ITIH5: variants seen among roughly 807,000 people sequenced by gnomAD.
The protein encoded by ITIH5 is inter-alpha-trypsin inhibitor heavy chain 5.
Under a neutral mutation model 77.5 loss-of-function variants are expected in ITIH5, and 65 were observed. That is an observed-to-expected ratio of 0.84 (90% CI 0.69 to 1.03). The LOEUF is 1.03. ITIH5 is among the 50% of genes least tolerant of loss of function. ITIH5 has a pLI of 0.00. For synonymous variants in ITIH5, 525 were observed against 494.3 expected (o/e 1.06, Z -0.82); for missense variants, 1,208 against 1,213.1 (o/e 1.00, Z 0.06).
At chr10:7,635,801 G>C (rs1833789475) in intron 5 of ITIH5, among the ~76,000 whole-genome samples, 1 of 152,076 alleles carries the variant, frequency 6.6e-6, no homozygotes, top group South Asian at 2.1e-4. Context: ...AACATTCTCT[G>C]ATTCCGCTTG....
chr10:7,644,120 C>T (rs970220623), intron 2 of ITIH5, among the ~76,000 whole-genome samples: 1 of 152,008 alleles, frequency 6.6e-6, no homozygotes, highest in African/African-American at 2.4e-5. Context: ...TGACTGTAGT[C>T]CTGGCTACTC....
intron 8 of ITIH5, among the ~76,000 whole-genome samples, chr10:7,583,055 T>C (rs2130970658): frequency 6.6e-6 from 1 of 152,282 alleles, no homozygotes; most frequent in South Asian, 2.1e-4. Flanking sequence ...TCTGATGTAA[T>C]TATCACACAA....
At chr10:7,658,570 C>A (rs1834225766) in intron 1 of ITIH5, among the ~76,000 whole-genome samples, 1 of 152,138 alleles carries the variant, frequency 6.6e-6, no homozygotes, top group African/African-American at 2.4e-5. Flanking sequence ...GGCACAGCTG[C>A]TTGGTTTTAT....
At chr10:7,640,202 C>G (rs1833862185) in intron 4 of ITIH5, among the ~76,000 whole-genome samples, 1 of 147,512 alleles carries the variant, frequency 6.8e-6, no homozygotes, top group South Asian at 2.2e-4. Context: ...GTGGCTCACA[C>G]CTGTAATCCT....
chr10:7,595,064 C>CT, intron 7 of ITIH5, among the ~76,000 whole-genome samples: 1 of 152,200 alleles, frequency 6.6e-6, no homozygotes, highest in Middle Eastern at 3.4e-3. Flanking sequence ...CAGAAGAGAT[C>CT]TTTTAAAAAT....
chr10:7,596,641 G>T (rs945477430), intron 7 of ITIH5, among the ~76,000 whole-genome samples: 2 of 152,116 alleles, frequency 1.3e-5, no homozygotes, highest in Non-Finnish European at 2.9e-5. Context: ...ACCATCACTT[G>T]CCTCAGTCTA....
chr10:7,568,156 G>A (rs537507033), intron 12 of ITIH5, among the ~76,000 whole-genome samples: 29 of 152,200 alleles, frequency 1.9e-4, no homozygotes, highest in Non-Finnish European at 4.0e-4. Flanking sequence ...ATTAGGTGAT[G>A]CATGTTAAAT....
intron 1 of ITIH5, among the ~76,000 whole-genome samples, chr10:7,661,239 T>G (rs1170592396): frequency 3.3e-5 from 5 of 152,190 alleles, no homozygotes; most frequent in African/African-American, 1.2e-4. Flanking sequence ...TGGGGACTGC[T>G]GCCATAACAG....
At chr10:7,565,303 G>GTA (rs149562316) in intron 13 of ITIH5, among the ~76,000 whole-genome samples, 95,943 of 146,012 alleles carry the variant, frequency 0.66, 32,699 homozygotes, top group Non-Finnish European at 0.76. Context: ...CATACAGACT[G>GTA]TATATATATA....
intron 2 of ITIH5, among the ~76,000 whole-genome samples, chr10:7,647,582 G>A (rs556653206): frequency 5.2e-5 from 6 of 115,426 alleles, no homozygotes; most frequent in East Asian, 4.2e-4. Flanking sequence ...AATAGAAAAC[G>A]TGAACACCTG....
At chr10:7,606,251 G>A (rs2131015882) in intron 7 of ITIH5, among the ~76,000 whole-genome samples, 1 of 152,216 alleles carries the variant, frequency 6.6e-6, no homozygotes, top group East Asian at 1.9e-4. Flanking sequence ...CCCATTATTG[G>A]GTATATACCC....
chr10:7,651,715 A>G (rs1246791819), intron 2 of ITIH5, among the ~76,000 whole-genome samples: 1 of 152,108 alleles, frequency 6.6e-6, no homozygotes, highest in Non-Finnish European at 1.5e-5. Context: ...ACAACTAGAG[A>G]CCAACCCTAC....
chr10:7,608,659 A>G (rs1397748062), intron 7 of ITIH5, among the ~76,000 whole-genome samples: 1 of 152,124 alleles, frequency 6.6e-6, no homozygotes. Flanking sequence ...GTTGGACATC[A>G]CTGGACTTGA....
At chr10:7,625,696 C>T (rs557305034) in intron 5 of ITIH5, among the ~76,000 whole-genome samples, 1 of 150,880 alleles carries the variant, frequency 6.6e-6, no homozygotes, top group African/African-American at 2.4e-5. Flanking sequence ...ACCCAGGAGG[C>T]AGAGATTGCC....
intron 9 of ITIH5, chr10:7,578,649 T>C (rs1327588031): frequency 6.6e-6 from 1 of 152,218 alleles, no homozygotes; most frequent in Non-Finnish European, 1.5e-5. Context: ...TTTCCATTTA[T>C]CATTAATAAA....
At chr10:7,658,567 C>G (rs1352100027) in intron 1 of ITIH5, among the ~76,000 whole-genome samples, 1 of 152,144 alleles carries the variant, frequency 6.6e-6, no homozygotes, top group East Asian at 1.9e-4. Flanking sequence ...CGGGGCACAG[C>G]TGCTTGGTTT....
At chr10:7,592,807 A>T (rs1832820400) in intron 7 of ITIH5, among the ~76,000 whole-genome samples, 1 of 152,150 alleles carries the variant, frequency 6.6e-6, no homozygotes, top group African/African-American at 2.4e-5. Flanking sequence ...GCGCACTCAC[A>T]GTCCAGGTGT....
intron 7 of ITIH5, among the ~76,000 whole-genome samples, chr10:7,593,361 C>T (rs561113695): frequency 7.0e-6 from 1 of 142,010 alleles, no homozygotes; most frequent in Admixed American, 7.2e-5. Context: ...CACCCAGCCC[C>T]ACTCACCCCT....
chr10:7,634,880 A>T (rs748688070), intron 5 of ITIH5, among the ~76,000 whole-genome samples: 3 of 152,202 alleles, frequency 2.0e-5, no homozygotes, highest in Non-Finnish European at 4.4e-5. Flanking sequence ...TGCACATGAG[A>T]AAATTTTCTT....
Sources: allele counts gnomAD v4.1 joint callset (sites outside exome capture counted in the v4.1 genomes callset), GRCh38; gene constraint gnomAD v4.1.1; transcripts MANE v1.5; gene names NCBI Gene and HGNC (gene_info 2026-07-23, HGNC 2026-07-21).